NUDC: variants seen among roughly 807,000 people sequenced by gnomAD.
NUDC encodes the protein nuclear migration protein nudC.
In NUDC, 14 loss-of-function variants were observed where a neutral mutation model predicts 45.0. The observed-to-expected ratio is 0.31, with a 90% CI of 0.21 to 0.49. The LOEUF (loss-of-function observed/expected upper bound fraction) is 0.49, where lower values mean the gene tolerates loss of function less well. Ranked by LOEUF, NUDC falls within the 20% of genes least tolerant of loss-of-function variation. NUDC has a pLI of 0.99. For missense variants in NUDC, 323 were observed against 426.2 expected (o/e 0.76, Z 2.13); for synonymous variants, 153 against 156.7 (o/e 0.98, Z 0.17).
At chr1:26,927,461 G>A (rs1021111821) in intron 2 of NUDC, among the ~76,000 whole-genome samples, 3 of 149,616 alleles carry the variant, frequency 2.0e-5, no homozygotes, top group Non-Finnish European at 4.4e-5. Flanking sequence ...GCAGTGGAGC[G>A]ATCTCAGCTC....
upstream of NUDC, among the ~76,000 whole-genome samples, chr1:26,920,296 C>G (rs752131399): frequency 2.6e-5 from 4 of 151,946 alleles, no homozygotes; most frequent in Admixed American, 6.6e-5. Flanking sequence ...TTGAAACGAG[C>G]CTGGCCAACA....
chr1:26,924,130 CTT>C lies in NUDC; in HGVS notation c.127_128del (p.Phe43HisfsTer66), dbSNP rs1557671919. On this transcript the variant is annotated frameshift_variant, in exon 2 of 9. Coordinates refer to ENST00000321265, the MANE Select transcript of NUDC (RefSeq NM_006600.4). LOFTEE classifies it high-confidence loss of function. ...TCAGCTTCCTTCGACGCAAAACAGACTTTTTCATTGGAGGAGAAGAAGGGATG... is the reference window on the plus strand; with the variant it reads ...TCAGCTTCCTTCGACGCAAAACAGACTTTCATTGGAGGAGAAGAAGGGATG... Reference protein sequence around the residue: ...FFSFLRRKTDFFIGGEEGMAE... With the variant: ...FFSFLRRKTDXFIGGEEGMAE... 1.9e-6 allele frequency: 3 copies of C among 1,614,120 alleles called. No individual in the cohort carries two copies. Among genetic ancestry groups the C allele is most frequent in the Non-Finnish European group, 2.5e-6 (3 of 1,179,996 alleles).
chr1:26,929,571 G>A (rs776382565), intron 2 of NUDC: 38 of 213,326 alleles, frequency 1.8e-4, no homozygotes, highest in Middle Eastern at 9.4e-4. Flanking sequence ...TAAGGGACTT[G>A]AGCATCCTCG....
exon 1 of NUDC, chr1:26,900,351 C>A (rs1255146118): frequency 3.7e-6 from 6 of 1,614,080 alleles, no homozygotes; most frequent in South Asian, 3.3e-5. Context: ...GCTAAAATAG[C>A]TCCGTAAATG....
chr1:26,917,528 G>A (rs1281329022), upstream of NUDC, among the ~76,000 whole-genome samples: 1 of 151,818 alleles, frequency 6.6e-6, no homozygotes. Context: ...TGCCACTGCA[G>A]CCTAGACTGG....
chr1:26,904,118 A>C (rs1202561107), intron 2 of NUDC, among the ~76,000 whole-genome samples: 2 of 148,608 alleles, frequency 1.3e-5, no homozygotes, highest in Non-Finnish European at 3.0e-5. Context: ...TGTAGATAGG[A>C]CCATTATATC....
At chr1:26,909,784 C>G (rs1193493472) in intron 2 of NUDC, among the ~76,000 whole-genome samples, 1 of 151,852 alleles carries the variant, frequency 6.6e-6, no homozygotes, top group Admixed American at 6.6e-5. Flanking sequence ...CAGAGAGAGT[C>G]CTGGGGGCCT....
At chr1:26,917,401 A>C (rs944647543), upstream of NUDC, among the ~76,000 whole-genome samples, 4 of 151,740 alleles carry the variant, frequency 2.6e-5, no homozygotes, top group African/African-American at 9.7e-5. Context: ...ATCTCTACTA[A>C]ACATACAAAA....
intron 2 of NUDC, among the ~76,000 whole-genome samples, chr1:26,908,508 TG>T (rs1184068783): frequency 6.6e-6 from 1 of 152,140 alleles, no homozygotes; most frequent in African/African-American, 2.4e-5. Context: ...CCCAACCATG[TG>T]GATTGGTAGG....
chr1:26,922,855 T>C (rs1322864783), intron 1 of NUDC, among the ~76,000 whole-genome samples: 1 of 152,016 alleles, frequency 6.6e-6, no homozygotes, highest in Non-Finnish European at 1.5e-5. Context: ...GTGGGGAGAG[T>C]GTTTCTCATT....
chr1:26,932,649 TC>T (rs2082193208), intron 2 of NUDC, among the ~76,000 whole-genome samples: 1 of 152,082 alleles, frequency 6.6e-6, no homozygotes, highest in African/African-American at 2.4e-5. Flanking sequence ...AGTGTACAGT[TC>T]AGTAGTGTTA....
At chr1:26,911,931 T>C in intron 3 of NUDC, 1 of 1,614,226 alleles carries the variant, frequency 6.2e-7, no homozygotes, top group Non-Finnish European at 8.5e-7. Context: ...CCAAGCAGGC[T>C]GGTCGGAATG....
At chr1:26,927,560 G>A (rs1267500548) in intron 2 of NUDC, among the ~76,000 whole-genome samples, 2 of 151,732 alleles carry the variant, frequency 1.3e-5, no homozygotes, top group Non-Finnish European at 2.9e-5. Context: ...CCTATGCCTG[G>A]CTAATTTTCG....
chr1:26,913,693 T>C (rs756002437), intron 3 of NUDC: 1 of 1,611,382 alleles, frequency 6.2e-7, no homozygotes, highest in East Asian at 2.2e-5. Context: ...CCGCCGCTGG[T>C]CCTGGGGAGG....
At position 26,945,592 on chromosome 1, in the gene NUDC, C is replaced by T. The variant is rs1289414159; in HGVS notation, c.850C>T (p.Arg284Cys). The change falls in exon 8 of 9, where the codon CGC becomes TGC. Residue 284 changes from arginine (R) to cysteine (C), a missense_variant. Coordinates refer to ENST00000321265, the MANE Select transcript of NUDC (RefSeq NM_006600.4). ...SKLSDLDSET[R>C]SMVEKMMYDQ... ...GCTGTCAGACCTGGACAGTGAGACT[C>T]GCAGCATGGTGGAAAAGATGATGTA... 18 of 1,613,998 alleles carry T rather than the reference C, an allele frequency of 1.1e-5. No homozygotes were observed. Among genetic ancestry groups the T allele is most frequent in the South Asian group, 2.2e-5 (2 of 91,086 alleles).
At chr1:26,922,156 C>T (rs2082096890) in intron 1 of NUDC, 1 of 589,706 alleles carries the variant, frequency 1.7e-6, no homozygotes, top group Non-Finnish European at 3.0e-6. Flanking sequence ...ATTATCGCAT[C>T]CCTGAGCTTA....
chr1:26,927,187 C>CGTGTGTGTGT (rs71010306), intron 2 of NUDC, among the ~76,000 whole-genome samples: 3 of 126,742 alleles, frequency 2.4e-5, no homozygotes, highest in African/African-American at 1.0e-4. Context: ...AGAGATGAAC[C>CGTGTGTGTGT]GTGTGTGTGT....
rs1462479158 is a variant in NUDC, at chr1:26,946,236, C to T, written c.*55C>T. The T allele has an allele frequency of 2.0e-6, 3 of 1,472,644 alleles. No individual in the cohort carries two copies. Among genetic ancestry groups the T allele is most frequent in the Non-Finnish European group, 2.8e-6 (3 of 1,052,960 alleles). The allele number at this position is 1,472,644 out of a possible 1,614,324, so 91.2% of individuals were successfully genotyped here. Reference sequence around the variant, plus strand: ...GGCTGAGCTGCAACCACCCAACTTTCTTTCCCACTCTTCTCTGGGACTTGT... The same window carrying T: ...GGCTGAGCTGCAACCACCCAACTTTTTTTCCCACTCTTCTCTGGGACTTGT... On this transcript the variant is annotated 3_prime_UTR_variant, in exon 9 of 9. Transcript: ENST00000321265.
At chr1:26,930,273 G>A (rs1050208530) in intron 2 of NUDC, among the ~76,000 whole-genome samples, 1 of 152,064 alleles carries the variant, frequency 6.6e-6, no homozygotes, top group East Asian at 1.9e-4. Context: ...AGGCTCAGGC[G>A]GTCCTCTCAC....
Sources: allele counts gnomAD v4.1 joint callset (sites outside exome capture counted in the v4.1 genomes callset), GRCh38; gene constraint gnomAD v4.1.1; transcripts MANE v1.5; gene names NCBI Gene and HGNC (gene_info 2026-07-23, HGNC 2026-07-21).